The following WWOX variants were observed in gnomAD, a reference collection of about 807,000 sequenced individuals.
WWOX encodes the protein WW domain-containing oxidoreductase.
Under a neutral mutation model 46.2 loss-of-function variants are expected in WWOX, and 69 were observed. The observed-to-expected ratio is 1.49, with a 90% CI of 1.23 to 1.82. The LOEUF (loss-of-function observed/expected upper bound fraction) is 1.82, where lower values mean the gene tolerates loss of function less well. Ranked by LOEUF, WWOX falls within the 40% of genes most tolerant of loss-of-function variation. The pLI is 0.00. For missense variants in WWOX, 919 were observed against 542.6 expected (o/e 1.69, Z -6.89); for synonymous variants, 359 against 202.6 (o/e 1.77, Z -6.56).
chr16:78,534,536 G>A (rs2043710535), intron 8 of WWOX: 1 of 152,084 alleles, frequency 6.6e-6, no homozygotes, highest in Non-Finnish European at 1.5e-5. Flanking sequence ...GGCATGACTG[G>A]ACTCACAGGT....
intron 8 of WWOX, among the ~76,000 whole-genome samples, chr16:78,945,860 G>A (rs568354957): frequency 1.3e-3 from 203 of 152,202 alleles, no homozygotes; most frequent in Non-Finnish European, 2.6e-3. Context: ...GTAGTCACTG[G>A]ATAAGGAGCC....
At chr16:78,286,396 C>G (rs1433231587) in intron 5 of WWOX, among the ~76,000 whole-genome samples, 1 of 152,146 alleles carries the variant, frequency 6.6e-6, no homozygotes, top group African/African-American at 2.4e-5. Flanking sequence ...CTTTTACTTT[C>G]TAGTATTGTT....
At chr16:78,829,991 C>A (rs904316512) in intron 8 of WWOX, among the ~76,000 whole-genome samples, 1 of 152,114 alleles carries the variant, frequency 6.6e-6, no homozygotes, top group Non-Finnish European at 1.5e-5. Context: ...GACACAGTGG[C>A]TCACACCTGT....
intron 8 of WWOX, among the ~76,000 whole-genome samples, chr16:78,639,843 G>C (rs368266281): frequency 6.6e-6 from 1 of 152,188 alleles, no homozygotes; most frequent in Non-Finnish European, 1.5e-5. Flanking sequence ...TGGGATCACA[G>C]GTGTGAGCCA....
At chr16:78,433,274 C>T (rs552491033) in intron 8 of WWOX, among the ~76,000 whole-genome samples, 2 of 152,166 alleles carry the variant, frequency 1.3e-5, no homozygotes, top group South Asian at 4.2e-4. Context: ...GTGTTTTCTT[C>T]TTTACTTTCC....
chr16:78,422,806 CACACATATATAT>C, intron 6 of WWOX, among the ~76,000 whole-genome samples: 6 of 117,874 alleles, frequency 5.1e-5, no homozygotes, highest in African/African-American at 2.6e-4. Flanking sequence ...TATATATACA[CACACATATATAT>C]ACACACACAT....
intron 5 of WWOX, among the ~76,000 whole-genome samples, chr16:78,232,368 A>G (rs1368732211): frequency 2.0e-5 from 3 of 152,180 alleles, no homozygotes; most frequent in Admixed American, 1.3e-4. Context: ...TTCTTGTACA[A>G]TTAACTCAGT....
chr16:79,207,726 T>C (rs2051565879), intron 8 of WWOX, among the ~76,000 whole-genome samples: 1 of 152,246 alleles, frequency 6.6e-6, no homozygotes, highest in Non-Finnish European at 1.5e-5. Context: ...GTGTAACATG[T>C]GTCCCTGTGA....
chr16:78,941,714 C>G, intron 8 of WWOX, among the ~76,000 whole-genome samples: 1 of 152,102 alleles, frequency 6.6e-6, no homozygotes, highest in East Asian at 1.9e-4. Context: ...CTCAGGTTTC[C>G]TTTCCCAGGT....
At chr16:78,950,995 C>T (rs1472445083) in intron 8 of WWOX, among the ~76,000 whole-genome samples, 1 of 152,190 alleles carries the variant, frequency 6.6e-6, no homozygotes, top group East Asian at 1.9e-4. Flanking sequence ...CTTAATTCAC[C>T]ACCCTGTTAG....
At chr16:78,941,322 A>G (rs2045847215) in intron 8 of WWOX, among the ~76,000 whole-genome samples, 1 of 152,230 alleles carries the variant, frequency 6.6e-6, no homozygotes, top group Non-Finnish European at 1.5e-5. Context: ...GATGTCGCGC[A>G]TGTTGATTAT....
At chr16:78,800,367 G>C (rs183241037) in intron 8 of WWOX, among the ~76,000 whole-genome samples, 18 of 152,110 alleles carry the variant, frequency 1.2e-4, no homozygotes, top group Admixed American at 5.2e-4. Context: ...TTAAAATTCC[G>C]CTTGGAATAG....
intron 8 of WWOX, among the ~76,000 whole-genome samples, chr16:78,932,081 T>C (rs566821083): frequency 6.6e-6 from 1 of 152,228 alleles, no homozygotes; most frequent in African/African-American, 2.4e-5. Context: ...TAAACCTCTT[T>C]CCTTTATAAA....
chr16:78,757,910 A>G (rs1373497743), intron 8 of WWOX, among the ~76,000 whole-genome samples: 2 of 152,050 alleles, frequency 1.3e-5, no homozygotes, highest in African/African-American at 2.4e-5. Context: ...CCCCCTCCTA[A>G]TAATATCACC....
intron 8 of WWOX, among the ~76,000 whole-genome samples, chr16:78,521,458 A>G (rs2043346210): frequency 6.6e-6 from 1 of 152,168 alleles, no homozygotes; most frequent in South Asian, 2.1e-4. Context: ...GCTCAAAGAC[A>G]AGGCTCAAGT....
chr16:78,756,994 T>G (rs2049666333), intron 8 of WWOX: 1 of 702,862 alleles, frequency 1.4e-6, no homozygotes, highest in Middle Eastern at 2.3e-4. Context: ...GTAGAAGAAC[T>G]GAGCCTCCTG....
Position 78,809,223 on chromosome 16 carries a change from C to G in WWOX, c.1056+376471C>G, listed in dbSNP as rs555807810. The stretch of plus-strand genomic sequence containing the variant: ...TTCCTTTAGAGCATGTGTCCTATAA[C>G]TTGAAATGGTTGTCTGAGCAGAATG... On this transcript the variant is annotated intron_variant, in intron 8 of 8. Coordinates refer to ENST00000566780, the MANE Select transcript of WWOX (RefSeq NM_016373.4). 8.1e-5 allele frequency among the ~76,000 whole-genome samples: 12 copies of G among 148,618 alleles called. No homozygotes were observed. The East Asian group carries it at 2.2e-3, about 27-fold the overall frequency.
chr16:78,569,980 C>T (rs1453071222), intron 8 of WWOX, among the ~76,000 whole-genome samples: 1 of 152,154 alleles, frequency 6.6e-6, no homozygotes, highest in East Asian at 1.9e-4. Context: ...GGTTTCCATC[C>T]TGAAGAGCTT....
rs577673193 is a variant in WWOX, at chr16:78,453,434, A to G, written c.1056+20682A>G. 4.6e-3 allele frequency among the ~76,000 whole-genome samples: 692 copies of G among 151,702 alleles called. 6 individuals are homozygous for G. Among genetic ancestry groups the G allele is most frequent in the African/African-American group, 0.016 (657 of 41,388 alleles). On this transcript the variant is annotated intron_variant, in intron 8 of 8. Transcript: ENST00000566780. The stretch of plus-strand genomic sequence containing the variant: ...CGAGACTATGTCTCAAAAAAAAAAA[A>G]AAAATTTCTTATTCAGTTGATTTAA...
Sources: allele counts gnomAD v4.1 joint callset (sites outside exome capture counted in the v4.1 genomes callset), GRCh38; gene constraint gnomAD v4.1.1; transcripts MANE v1.5; gene names NCBI Gene and HGNC (gene_info 2026-07-23, HGNC 2026-07-21).